The following BLTP1 variants were observed in gnomAD, a reference collection of about 807,000 sequenced individuals.
The protein encoded by BLTP1 is fragile site-associated protein.
chr4:122,257,111 T>C, the BLTP1 span: 1 of 833,686 alleles, frequency 1.2e-6, no homozygotes, highest in East Asian at 2.7e-5. Context: ...TGGGTAACTT[T>C]GAACAAATTA....
the BLTP1 span, among the ~76,000 whole-genome samples, chr4:122,209,604 C>G: frequency 6.6e-6 from 1 of 152,168 alleles, no homozygotes; most frequent in African/African-American, 2.4e-5. Context: ...AAGATCGCAC[C>G]ACTGCACTCC....
At chr4:122,215,077 G>A in the BLTP1 span, among the ~76,000 whole-genome samples, 1 of 152,180 alleles carries the variant, frequency 6.6e-6, no homozygotes, top group Non-Finnish European at 1.5e-5. Flanking sequence ...AACTACAAAT[G>A]TATTAACTCA....
the BLTP1 span, chr4:122,201,996 TCA>T: frequency 2.2e-6 from 1 of 452,520 alleles, no homozygotes; most frequent in African/African-American, 2.1e-5. Context: ...TGTTTAAGCT[TCA>T]GTTTCCTTGT....
the BLTP1 span, chr4:122,224,508 C>G: frequency 6.2e-7 from 1 of 1,612,276 alleles, no homozygotes; most frequent in South Asian, 1.1e-5. Flanking sequence ...CAGCGACCCC[C>G]TGTGGATGAA....
chr4:122,224,905 TATA>T, the BLTP1 span: 1 of 1,338,742 alleles, frequency 7.5e-7, no homozygotes, highest in Non-Finnish European at 9.6e-7. Context: ...TGTAGACCTA[TATA>T]ATATTTCAAA....
the BLTP1 span, among the ~76,000 whole-genome samples, chr4:122,220,872 T>TA: frequency 1.8e-4 from 27 of 152,300 alleles, 1 homozygote; most frequent in African/African-American, 5.8e-4. Flanking sequence ...TGATCAATGA[T>TA]TTATTCTTAT....
chr4:122,304,841 G>T, the BLTP1 span: 7 of 1,613,810 alleles, frequency 4.3e-6, no homozygotes, highest in African/African-American at 1.3e-5. Flanking sequence ...AGAGCTGTAA[G>T]ATTTGAAACT....
chr4:122,260,662 G>A, the BLTP1 span, among the ~76,000 whole-genome samples: 1 of 151,860 alleles, frequency 6.6e-6, no homozygotes, highest in Non-Finnish European at 1.5e-5. Context: ...TAACAATGTG[G>A]CAATATGTGT....
At chr4:122,196,118 A>G in the BLTP1 span, among the ~76,000 whole-genome samples, 1 of 152,348 alleles carries the variant, frequency 6.6e-6, no homozygotes, top group East Asian at 1.9e-4. Flanking sequence ...TAATGATATA[A>G]TATTGATTTA....
chr4:122,187,373 T>G, the BLTP1 span: 3 of 1,599,246 alleles, frequency 1.9e-6, no homozygotes, highest in African/African-American at 4.0e-5. Context: ...GGAAGTGAAC[T>G]ATGTCCTCAG....
chr4:122,356,862 G>A, the BLTP1 span: 4 of 1,471,520 alleles, frequency 2.7e-6, no homozygotes, highest in Non-Finnish European at 3.6e-6. Flanking sequence ...TATATCTCCC[G>A]TGAGTTGAAG....
chr4:122,244,086 G>T, the BLTP1 span: 1 of 1,483,264 alleles, frequency 6.7e-7, no homozygotes, highest in South Asian at 1.5e-5. Context: ...TCTGTGATAT[G>T]ATAAGTATAT....
chr4:122,300,011 AT>A, the BLTP1 span: 2 of 866,142 alleles, frequency 2.3e-6, no homozygotes, highest in Admixed American at 6.2e-5. Context: ...ACAAATATAT[AT>A]TTTTTTATTT....
chr4:122,316,284 C>A, the BLTP1 span: 1 of 400,322 alleles, frequency 2.5e-6, no homozygotes, highest in Non-Finnish European at 5.1e-6. Context: ...ACTATTATAC[C>A]ATGAAATAGT....
the BLTP1 span, chr4:122,194,672 A>AT: frequency 2.2e-6 from 2 of 906,982 alleles, no homozygotes; most frequent in African/African-American, 3.6e-5. Context: ...GTGTGTTTGC[A>AT]TTTTTTAGCA....
the BLTP1 span, among the ~76,000 whole-genome samples, chr4:122,358,352 A>C: frequency 6.6e-6 from 1 of 152,206 alleles, no homozygotes; most frequent in African/African-American, 2.4e-5. Context: ...AAACAACAAC[A>C]AAAAGACCGT....
the BLTP1 span, chr4:122,192,517 A>G: frequency 3.2e-6 from 2 of 618,830 alleles, no homozygotes; most frequent in African/African-American, 3.7e-5. Context: ...TTTTGATCCA[A>G]AGAAAAACTT....
At chr4:122,207,488 C>T in the BLTP1 span, 1 of 1,418,440 alleles carries the variant, frequency 7.1e-7, no homozygotes, top group Non-Finnish European at 9.5e-7. Flanking sequence ...ATTTAATGGA[C>T]ATTAAAAGTA....
chr4:122,211,361 G>C, the BLTP1 span, among the ~76,000 whole-genome samples: 16 of 150,636 alleles, frequency 1.1e-4, no homozygotes, highest in African/African-American at 3.2e-4. Flanking sequence ...TGTAGCATCT[G>C]TTCTCAGGGA....
Sources: allele counts gnomAD v4.1 joint callset (sites outside exome capture counted in the v4.1 genomes callset), GRCh38; gene constraint gnomAD v4.1.1; transcripts MANE v1.5; gene names NCBI Gene and HGNC (gene_info 2026-07-23, HGNC 2026-07-21).